Variants in FSTL4 observed in about 807,000 individuals in gnomAD.
FSTL4 encodes follistatin-related protein 4.
A neutral mutation model predicts 78.2 loss-of-function variants in FSTL4; 28 were observed. That is an observed-to-expected ratio of 0.36 (90% CI 0.27 to 0.49). The LOEUF (loss-of-function observed/expected upper bound fraction) is 0.49, where lower values mean the gene tolerates loss of function less well. FSTL4 is among the 20% of genes least tolerant of loss of function. The probability of loss-of-function intolerance (pLI) is 0.98; values close to 1 mark genes in which losing one functional copy is unlikely to be tolerated. For missense variants in FSTL4, 922 were observed against 1,084.9 expected (o/e 0.85, Z 2.11); for synonymous variants, 422 against 440.5 (o/e 0.96, Z 0.53).
intron 6 of FSTL4, among the ~76,000 whole-genome samples, chr5:133,294,407 C>T (rs1753340352): frequency 6.6e-6 from 1 of 152,186 alleles, no homozygotes; most frequent in Admixed American, 6.5e-5. Flanking sequence ...GAGACCCTGC[C>T]TCAGAGAACC....
chr5:133,616,614 CTGG>C (rs1761204786), upstream of FSTL4, among the ~76,000 whole-genome samples: 1 of 152,070 alleles, frequency 6.6e-6, no homozygotes, highest in Non-Finnish European at 1.5e-5. Context: ...GTTGCCCAGG[CTGG>C]TCTTGAACTC....
chr5:133,267,069 T>C (rs978406072), intron 6 of FSTL4, among the ~76,000 whole-genome samples: 3 of 151,656 alleles, frequency 2.0e-5, no homozygotes, highest in African/African-American at 7.3e-5. Flanking sequence ...ACACGTGGAG[T>C]CTTCCCAATC....
intron 3 of FSTL4, among the ~76,000 whole-genome samples, chr5:133,434,874 A>G (rs929216689): frequency 1.9e-4 from 29 of 152,144 alleles, no homozygotes; most frequent in Admixed American, 1.8e-3. Context: ...TTCAGAATCT[A>G]ATATTTAATA....
intron 3 of FSTL4, among the ~76,000 whole-genome samples, chr5:133,537,666 A>G (rs1291556343): frequency 6.6e-6 from 1 of 152,040 alleles, no homozygotes; most frequent in African/African-American, 2.4e-5. Context: ...CATCCTGCTC[A>G]TGTTTATTTT....
chr5:133,739,628 C>T, the FSTL4 span, among the ~76,000 whole-genome samples: 1 of 152,234 alleles, frequency 6.6e-6, no homozygotes, highest in East Asian at 1.9e-4. Context: ...CAAGGGTCCT[C>T]AGGAAAGGCC....
intron 2 of FSTL4, among the ~76,000 whole-genome samples, chr5:133,571,517 T>A (rs1349936958): frequency 6.6e-6 from 1 of 152,202 alleles, no homozygotes; most frequent in Admixed American, 6.5e-5. Context: ...ATGGCTAATA[T>A]GTTTAGGAAA....
At chr5:133,715,719 G>A in the FSTL4 span, among the ~76,000 whole-genome samples, 2 of 152,194 alleles carry the variant, frequency 1.3e-5, no homozygotes, top group Non-Finnish European at 2.9e-5. Context: ...TGAGGACTGG[G>A]AGCTGTGTAA....
chr5:133,321,561 G>A (rs2126897786), intron 4 of FSTL4, among the ~76,000 whole-genome samples: 1 of 152,234 alleles, frequency 6.6e-6, no homozygotes, highest in African/African-American at 2.4e-5. Context: ...AATGATAGTG[G>A]CAGGCCGGGC....
At chr5:133,641,259 C>A in the FSTL4 span, among the ~76,000 whole-genome samples, 12 of 102,264 alleles carry the variant, frequency 1.2e-4, no homozygotes, top group Admixed American at 4.0e-4. Context: ...ACAAAACACA[C>A]ACACAAAAAC....
the FSTL4 span, among the ~76,000 whole-genome samples, chr5:133,667,955 G>A: frequency 6.6e-6 from 1 of 152,198 alleles, no homozygotes; most frequent in Non-Finnish European, 1.5e-5. Flanking sequence ...GTGAATCAAT[G>A]TGTTTGGCTA....
At chr5:133,259,678 T>A (rs1752471714) in intron 6 of FSTL4, among the ~76,000 whole-genome samples, 1 of 151,858 alleles carries the variant, frequency 6.6e-6, no homozygotes, top group African/African-American at 2.4e-5. Context: ...AATAACGGAC[T>A]GGTGGGAGAG....
At chr5:133,757,723 C>T in the FSTL4 span, among the ~76,000 whole-genome samples, 1 of 152,156 alleles carries the variant, frequency 6.6e-6, no homozygotes, top group African/African-American at 2.4e-5. Context: ...GTGAAGACCT[C>T]AGACAAAGAC....
the FSTL4 span, among the ~76,000 whole-genome samples, chr5:133,635,087 A>C: frequency 6.6e-6 from 1 of 150,420 alleles, no homozygotes; most frequent in Non-Finnish European, 1.5e-5. Context: ...AAAAAAAAAA[A>C]CATAGACACT....
chr5:133,721,331 T>C, the FSTL4 span, among the ~76,000 whole-genome samples: 7 of 152,234 alleles, frequency 4.6e-5, no homozygotes, highest in Admixed American at 1.3e-4. Context: ...AGCGGTATTA[T>C]AGTTTTCTGG....
At chr5:133,421,936 A>G (rs1248978520) in intron 3 of FSTL4, among the ~76,000 whole-genome samples, 2 of 152,194 alleles carry the variant, frequency 1.3e-5, no homozygotes, top group African/African-American at 2.4e-5. Context: ...AGAAAAAGAA[A>G]ACTAAAAAAG....
chr5:133,709,976 C>G, the FSTL4 span, among the ~76,000 whole-genome samples: 126 of 152,308 alleles, frequency 8.3e-4, no homozygotes, highest in African/African-American at 2.9e-3. Context: ...TAGGAAACTA[C>G]CCCTGCAGAG....
the FSTL4 span, among the ~76,000 whole-genome samples, chr5:133,632,620 T>C: frequency 1.3e-5 from 2 of 152,310 alleles, no homozygotes; most frequent in South Asian, 2.1e-4. Context: ...TATTCTTTCA[T>C]CAGTTGAAAA....
At chr5:133,438,091 A>G (rs982057104) in intron 3 of FSTL4, among the ~76,000 whole-genome samples, 6 of 152,196 alleles carry the variant, frequency 3.9e-5, no homozygotes, top group Non-Finnish European at 7.3e-5. Context: ...TGATTCATTT[A>G]TCAGTTAGGT....
chr5:133,529,791 T>A (rs897108850), intron 3 of FSTL4, among the ~76,000 whole-genome samples: 4 of 152,184 alleles, frequency 2.6e-5, no homozygotes, highest in African/African-American at 9.7e-5. Flanking sequence ...GTTGAATGGT[T>A]TTTTGTATAT....
Sources: allele counts gnomAD v4.1 joint callset (sites outside exome capture counted in the v4.1 genomes callset), GRCh38; gene constraint gnomAD v4.1.1; transcripts MANE v1.5; gene names NCBI Gene and HGNC (gene_info 2026-07-23, HGNC 2026-07-21).